PACRG: variants seen among roughly 807,000 people sequenced by gnomAD.
The protein encoded by PACRG is parkin coregulated, also known as parkin coregulated gene protein.
Under a neutral mutation model 29.7 loss-of-function variants are expected in PACRG, and 29 were observed. The ratio of observed to expected loss-of-function variants is 0.98; its 90% CI spans 0.73 to 1.33. The LOEUF (loss-of-function observed/expected upper bound fraction) is 1.33. Ranked by LOEUF, PACRG falls within the 40% of genes most tolerant of loss-of-function variation. The pLI is 0.00. For synonymous variants in PACRG, 116 were observed against 118.7 expected, an observed-to-expected ratio of 0.98 and a Z score of 0.15; for missense variants, 279 against 316.2, an observed-to-expected ratio of 0.88 and a Z score of 0.89.
chr6:162,743,459 A>C (rs1780753120), intron 1 of PACRG, among the ~76,000 whole-genome samples: 1 of 152,012 alleles, frequency 6.6e-6, no homozygotes, highest in African/African-American at 2.4e-5. Context: ...ATCATACTAT[A>C]TTTTACATTT....
At position 162,728,422 on chromosome 6, in the gene PACRG, G is replaced by C. The variant is rs201337079; in HGVS notation, c.156+31G>C. On this transcript the variant is annotated intron_variant, in intron 1 of 4. Coordinates refer to ENST00000366888, the MANE Select transcript of PACRG (RefSeq NM_001080379.2). ...TGATCTTCCTGAATTAAATGCACTC[G>C]CTCTGAATCAGGGGACACGAGATTT... 9 of 1,601,962 alleles carry C rather than the reference G, an allele frequency of 5.6e-6. No individual in the cohort carries two copies. In the Middle Eastern group the frequency reaches 5.0e-4, roughly 88 times the overall value.
chr6:163,003,165 A>G (rs1185895688), intron 2 of PACRG, among the ~76,000 whole-genome samples: 1 of 152,134 alleles, frequency 6.6e-6, no homozygotes, highest in Admixed American at 6.5e-5. Flanking sequence ...TTGCATTATT[A>G]CTTCTCTTAA....
intron 2 of PACRG, among the ~76,000 whole-genome samples, chr6:162,862,183 G>A (rs1004336345): frequency 5.3e-5 from 8 of 152,206 alleles, no homozygotes; most frequent in Non-Finnish European, 7.3e-5. Flanking sequence ...AGATTTAGAA[G>A]GCAGGATTCA....
At chr6:162,996,462 C>G (rs992741372) in intron 2 of PACRG, among the ~76,000 whole-genome samples, 6 of 151,936 alleles carry the variant, frequency 3.9e-5, no homozygotes, top group African/African-American at 7.3e-5. Context: ...TAGACCCCCC[C>G]AAAACCATTA....
intron 4 of PACRG, among the ~76,000 whole-genome samples, chr6:163,233,658 T>C (rs1176111241): frequency 1.3e-5 from 2 of 152,178 alleles, no homozygotes; most frequent in East Asian, 3.8e-4. Context: ...GAAATGGCAG[T>C]GACTTCTTTG....
intron 4 of PACRG, among the ~76,000 whole-genome samples, chr6:163,212,014 C>T (rs976255510): frequency 1.3e-5 from 2 of 152,042 alleles, no homozygotes; most frequent in Admixed American, 1.3e-4. Flanking sequence ...AATGGCCCTG[C>T]AAGTGGGATC....
At chr6:163,176,103 C>T (rs1197433588) in intron 4 of PACRG, among the ~76,000 whole-genome samples, 2 of 152,108 alleles carry the variant, frequency 1.3e-5, no homozygotes, top group Non-Finnish European at 2.9e-5. Flanking sequence ...TCAGTTTCTC[C>T]GTCTTACCTG....
chr6:163,074,452 T>C (rs897995983), intron 3 of PACRG, among the ~76,000 whole-genome samples: 1 of 151,984 alleles, frequency 6.6e-6, no homozygotes, highest in African/African-American at 2.4e-5. Context: ...GGTTAGAAGG[T>C]ACAAAAAATA....
intron 4 of PACRG, chr6:163,166,057 G>T (rs1292594893): frequency 8.8e-6 from 4 of 455,158 alleles, no homozygotes; most frequent in African/African-American, 8.0e-5. Context: ...CGAGTGTAAT[G>T]AAAGACAGAT....
intron 4 of PACRG, among the ~76,000 whole-genome samples, chr6:163,289,562 C>T (rs888780678): frequency 2.0e-5 from 3 of 152,122 alleles, no homozygotes; most frequent in Admixed American, 2.0e-4. Context: ...TATCATGAAT[C>T]CAGTTCTGCA....
intron 4 of PACRG, among the ~76,000 whole-genome samples, chr6:163,164,240 A>C (rs911494770): frequency 2.0e-5 from 3 of 152,258 alleles, no homozygotes; most frequent in Admixed American, 2.0e-4. Context: ...GCTCTGCAAT[A>C]GCCATAATCT....
At chr6:163,215,422 G>C (rs1361349959) in intron 4 of PACRG, among the ~76,000 whole-genome samples, 2 of 152,188 alleles carry the variant, frequency 1.3e-5, no homozygotes, top group Middle Eastern at 3.4e-3. Context: ...TCTGTTTTCT[G>C]TCTCTTCTGG....
At chr6:162,959,038 G>A (rs922142508) in intron 2 of PACRG, among the ~76,000 whole-genome samples, 4 of 149,792 alleles carry the variant, frequency 2.7e-5, no homozygotes, top group Non-Finnish European at 5.9e-5. Context: ...CTCAGCCTCC[G>A]GAGTAGCTGA....
At chr6:163,172,802 C>A (rs1585293751) in intron 4 of PACRG, among the ~76,000 whole-genome samples, 1 of 152,190 alleles carries the variant, frequency 6.6e-6, no homozygotes, top group East Asian at 1.9e-4. Context: ...AAAAACTTGA[C>A]CTAATCATTT....
chr6:162,765,395 G>A (rs536573019), intron 1 of PACRG, among the ~76,000 whole-genome samples: 34 of 151,582 alleles, frequency 2.2e-4, no homozygotes, highest in Admixed American at 1.6e-3. Flanking sequence ...CCCTTTCCTC[G>A]CCCCCAACTA....
intron 2 of PACRG, among the ~76,000 whole-genome samples, chr6:163,018,363 G>A (rs1183607223): frequency 2.0e-5 from 3 of 152,046 alleles, no homozygotes; most frequent in Non-Finnish European, 4.4e-5. Flanking sequence ...AATGCTTAAG[G>A]CAATGCCTCA....
intron 4 of PACRG, among the ~76,000 whole-genome samples, chr6:163,281,375 A>C (rs750272023): frequency 3.3e-5 from 5 of 152,186 alleles, no homozygotes; most frequent in Admixed American, 6.5e-5. Flanking sequence ...CAGTCCTCAA[A>C]GGTATCTGCA....
intron 1 of PACRG, among the ~76,000 whole-genome samples, chr6:162,808,026 T>C (rs1786511007): frequency 6.6e-6 from 1 of 152,242 alleles, no homozygotes; most frequent in Non-Finnish European, 1.5e-5. Flanking sequence ...TTGAGACACC[T>C]ATCTTCTATT....
chr6:162,975,031 A>G (rs1801831732), intron 2 of PACRG, among the ~76,000 whole-genome samples: 1 of 152,156 alleles, frequency 6.6e-6, no homozygotes, highest in Non-Finnish European at 1.5e-5. Context: ...TTTGCTGAGA[A>G]CTTTATGGAA....
Sources: allele counts gnomAD v4.1 joint callset (sites outside exome capture counted in the v4.1 genomes callset), GRCh38; gene constraint gnomAD v4.1.1; transcripts MANE v1.5; gene names NCBI Gene and HGNC (gene_info 2026-07-23, HGNC 2026-07-21).